XKR4: variants seen among roughly 807,000 people sequenced by gnomAD.
XKR4 encodes the protein XK related 4, also known as XK-related protein 4.
XKR4 carries 12 observed loss-of-function variants against 53.9 expected under a neutral mutation model. The ratio of observed to expected loss-of-function variants is 0.22; its 90% CI spans 0.14 to 0.36. The LOEUF is 0.36. Ranked by LOEUF, XKR4 falls within the 10% of genes least tolerant of loss-of-function variation. XKR4 has a pLI of 1.00. For synonymous variants in XKR4, 354 were observed against 362.4 expected (o/e 0.98, Z 0.26); for missense variants, 799 against 859.5 (o/e 0.93, Z 0.88).
At chr8:55,405,376 G>A (rs529518414) in intron 2 of XKR4, among the ~76,000 whole-genome samples, 50 of 152,310 alleles carry the variant, frequency 3.3e-4, no homozygotes, top group Middle Eastern at 3.4e-3. Flanking sequence ...AGTGATGTTG[G>A]CAACTGTCCA....
At chr8:55,267,636 A>G (rs1585977266) in intron 1 of XKR4, among the ~76,000 whole-genome samples, 1 of 151,728 alleles carries the variant, frequency 6.6e-6, no homozygotes, top group East Asian at 1.9e-4. Flanking sequence ...AAGGGTTGTG[A>G]TAGTTTGGTG....
chr8:55,330,931 A>G (rs1397464281), intron 1 of XKR4, among the ~76,000 whole-genome samples: 1 of 152,158 alleles, frequency 6.6e-6, no homozygotes, highest in Non-Finnish European at 1.5e-5. Flanking sequence ...CTTGCTGTAC[A>G]ATCTTTTTTT....
At chr8:55,382,544 G>A (rs924219211) in intron 2 of XKR4, among the ~76,000 whole-genome samples, 3 of 152,158 alleles carry the variant, frequency 2.0e-5, no homozygotes, top group African/African-American at 7.2e-5. Flanking sequence ...CTAAAGGAAG[G>A]AGAAAGGGAG....
At chr8:55,493,601 A>G (rs1806301463) in intron 2 of XKR4, among the ~76,000 whole-genome samples, 1 of 152,254 alleles carries the variant, frequency 6.6e-6, no homozygotes. Flanking sequence ...CTATAGCTAC[A>G]TTAAAGCTAT....
Position 55,530,438 on chromosome 8 carries a change from T to C in XKR4, c.*6211T>C, listed in dbSNP as rs947417580. On this transcript the variant is annotated 3_prime_UTR_variant, in exon 3 of 3. Coordinates refer to ENST00000327381, the MANE Select transcript of XKR4 (RefSeq NM_052898.2). The stretch of plus-strand genomic sequence containing the variant: ...ACCAAATATTTGTTGAATTGAATTA[T>C]AAAATAATTGATGTGTTCTTTCCCT... 4 of 152,214 alleles carry C rather than the reference T, an allele frequency of 2.6e-5. No homozygotes were observed. The highest frequency in any genetic ancestry group is 5.9e-5 in the Non-Finnish European group (4 of 68,030). The allele number at this position is 152,214 out of a possible 1,614,324, so 9.4% of individuals were successfully genotyped here. A position where few individuals can be genotyped will look rare whatever the true frequency, so the allele number is the denominator to read the frequency against.
intron 1 of XKR4, among the ~76,000 whole-genome samples, chr8:55,243,988 G>T (rs1818247880): frequency 1.3e-5 from 2 of 152,212 alleles, no homozygotes; most frequent in African/African-American, 4.8e-5. Flanking sequence ...GGAAAAAGTA[G>T]TCAGTGGCTA....
chr8:55,349,718 G>A (rs1183800526), intron 1 of XKR4, among the ~76,000 whole-genome samples: 9 of 151,998 alleles, frequency 5.9e-5, no homozygotes, highest in East Asian at 1.9e-4. Flanking sequence ...GTCACTAATC[G>A]AACATGCATT....
chr8:55,127,421 A>G (rs113463517), intron 1 of XKR4, among the ~76,000 whole-genome samples: 7,332 of 151,152 alleles, frequency 0.049, 421 homozygotes, highest in African/African-American at 0.14. Context: ...CCCGGCTAAT[A>G]TTTGTATTTT....
chr8:55,238,144 A>C lies in XKR4; in HGVS notation c.807-119534A>C, dbSNP rs560009341. Among the ~76,000 whole-genome samples, 260 of 151,170 alleles carry C rather than the reference A, an allele frequency of 1.7e-3. 2 individuals carry two copies. The highest frequency in any genetic ancestry group is 6.1e-3 in the African/African-American group (252 of 41,286). On this transcript the variant is annotated intron_variant, in intron 1 of 2. Transcript: ENST00000327381. ...AGTACAATAGCATAAATAGACATTT[A>C]TCTCTCTCTCTCTCTCTCATAACAC...
chr8:55,166,248 A>G (rs1404469467), intron 1 of XKR4, among the ~76,000 whole-genome samples: 1 of 152,228 alleles, frequency 6.6e-6, no homozygotes, highest in East Asian at 1.9e-4. Flanking sequence ...TTCTTTTGCC[A>G]TGATGCACAG....
chr8:55,155,360 C>G (rs1049229412), intron 1 of XKR4, among the ~76,000 whole-genome samples: 2 of 151,838 alleles, frequency 1.3e-5, no homozygotes, highest in Non-Finnish European at 2.9e-5. Flanking sequence ...ATCCTCGATG[C>G]GAAGCACAGA....
At chr8:55,360,628 G>A (rs978091946) in intron 2 of XKR4, among the ~76,000 whole-genome samples, 1 of 152,172 alleles carries the variant, frequency 6.6e-6, no homozygotes, top group Non-Finnish European at 1.5e-5. Flanking sequence ...TTATTTAGCA[G>A]GGAGAGAATG....
chr8:55,422,715 C>T (rs1210325886), intron 2 of XKR4, among the ~76,000 whole-genome samples: 2 of 152,162 alleles, frequency 1.3e-5, no homozygotes, highest in Non-Finnish European at 2.9e-5. Context: ...AAACTTCAAG[C>T]ACTGGAATGA....
At chr8:55,453,164 C>T (rs1165102975) in intron 2 of XKR4, 11 of 508,970 alleles carry the variant, frequency 2.2e-5, no homozygotes, top group Non-Finnish European at 4.0e-5. Context: ...CTCCACACCA[C>T]GTGCTCCTGC....
At chr8:55,164,387 A>C (rs1170826384) in intron 1 of XKR4, 1 of 456,300 alleles carries the variant, frequency 2.2e-6, no homozygotes, top group Non-Finnish European at 4.4e-6. Context: ...GCCTTTAACA[A>C]ACTCACATTC....
intron 2 of XKR4, among the ~76,000 whole-genome samples, chr8:55,515,892 T>C (rs1336758743): frequency 6.6e-6 from 1 of 152,096 alleles, no homozygotes; most frequent in East Asian, 1.9e-4. Context: ...CTGTGGGAGA[T>C]TTGAGATGTC....
At chr8:55,204,037 G>T (rs1465700659) in intron 1 of XKR4, among the ~76,000 whole-genome samples, 1 of 152,008 alleles carries the variant, frequency 6.6e-6, no homozygotes, top group South Asian at 2.1e-4. Context: ...TTTAGACAGG[G>T]TCTTGCTCTG....
intron 2 of XKR4, among the ~76,000 whole-genome samples, chr8:55,439,399 G>C (rs1162634732): frequency 6.6e-6 from 1 of 152,192 alleles, no homozygotes; most frequent in African/African-American, 2.4e-5. Context: ...AGACCACCAT[G>C]AGTGTGAGGC....
At chr8:55,333,684 C>A (rs1803411693) in intron 1 of XKR4, among the ~76,000 whole-genome samples, 1 of 152,054 alleles carries the variant, frequency 6.6e-6, no homozygotes. Flanking sequence ...CAAGCTGTGC[C>A]ACTTTTGGAA....
Sources: allele counts gnomAD v4.1 joint callset (sites outside exome capture counted in the v4.1 genomes callset), GRCh38; gene constraint gnomAD v4.1.1; transcripts MANE v1.5; gene names NCBI Gene and HGNC (gene_info 2026-07-23, HGNC 2026-07-21).